The following C2CD3 variants were observed in gnomAD, a reference collection of about 807,000 sequenced individuals.
C2CD3 encodes C2 domain-containing protein 3.
Under a neutral mutation model 234.0 loss-of-function variants are expected in C2CD3, and 148 were observed. That is an observed-to-expected ratio of 0.63 (90% confidence interval 0.55 to 0.72). C2CD3 has a LOEUF of 0.72. C2CD3 is among the 30% of genes least tolerant of loss of function. The pLI, the probability that C2CD3 is intolerant of heterozygous loss-of-function variation, is 0.00. For synonymous variants in C2CD3, 1,000 were observed against 1,035.4 expected, an observed-to-expected ratio of 0.97 and a Z score of 0.66; for missense variants, 2,577 against 2,811.5, an observed-to-expected ratio of 0.92 and a Z score of 1.89.
intron 3 of C2CD3, among the ~76,000 whole-genome samples, chr11:74,150,884 C>A (rs1855599407): frequency 6.6e-6 from 1 of 151,920 alleles, no homozygotes; most frequent in Non-Finnish European, 1.5e-5. Flanking sequence ...GAATCAGGAT[C>A]CAAACGAGTT....
intron 29 of C2CD3, among the ~76,000 whole-genome samples, chr11:74,040,939 C>T (rs997435516): frequency 6.6e-6 from 1 of 150,410 alleles, no homozygotes; most frequent in Admixed American, 6.6e-5. Flanking sequence ...CACACACACA[C>T]CCCTTTTAAA....
rs1281552158 is a variant in C2CD3, at chr11:74,034,017, T to C, written c.6143A>G (p.Gln2048Arg). 1.3e-6 allele frequency: 2 copies of C among 1,536,428 alleles called. No individual in the cohort carries two copies. Among genetic ancestry groups the C allele is most frequent in the East Asian group, 4.9e-5 (2 of 40,938 alleles). ...GCCTGCCTCAGTGTCTTCACTGCTC[T>C]GCATCCTTGTAATGGGTACTGCATG... ...LRHAVPITRM[Q>R]SSEDTEAGPA... is the part of the protein sequence containing the mutation. The change falls in exon 31 of 33, where the codon CAG becomes CGG. Residue 2048 changes from glutamine (Q) to arginine (R), a missense_variant. Transcript: ENST00000334126.
intron 3 of C2CD3, among the ~76,000 whole-genome samples, chr11:74,155,425 C>A (rs1328311571): frequency 6.6e-6 from 1 of 152,126 alleles, no homozygotes; most frequent in Non-Finnish European, 1.5e-5. Flanking sequence ...GAACGGAAAG[C>A]ATATGTTCAC....
intron 8 of C2CD3, among the ~76,000 whole-genome samples, chr11:74,122,386 T>C (rs1474308340): frequency 6.6e-6 from 1 of 152,214 alleles, no homozygotes; most frequent in Admixed American, 6.5e-5. Context: ...TTTCAGTATC[T>C]TTTTTTGACC....
At chr11:74,045,237 G>T (rs1953303576) in intron 28 of C2CD3, among the ~76,000 whole-genome samples, 1 of 152,054 alleles carries the variant, frequency 6.6e-6, no homozygotes, top group African/African-American at 2.4e-5. Flanking sequence ...AGACACATGG[G>T]TTTATTTTGA....
At chr11:74,146,658 C>T (rs932934370) in intron 3 of C2CD3, among the ~76,000 whole-genome samples, 2 of 150,966 alleles carry the variant, frequency 1.3e-5, no homozygotes, top group African/African-American at 4.9e-5. Flanking sequence ...GACAGATAAC[C>T]ATAAAGCTAT....
chr11:74,065,237 T>A (rs1278531688), intron 24 of C2CD3, among the ~76,000 whole-genome samples: 1 of 151,792 alleles, frequency 6.6e-6, no homozygotes, highest in Non-Finnish European at 1.5e-5. Context: ...AACAACCCCA[T>A]CAAAAAGTGG....
chr11:74,144,695 C>G (rs183161385), intron 3 of C2CD3, among the ~76,000 whole-genome samples: 3 of 152,244 alleles, frequency 2.0e-5, no homozygotes, highest in African/African-American at 7.2e-5. Context: ...TAAGTGAGAA[C>G]GTGTGGTGCT....
At position 74,098,274 on chromosome 11, in the gene C2CD3, T is replaced by A. The variant is rs2135490559; in HGVS notation, c.2733-19A>T. The A allele has an allele frequency of 1.2e-6, 2 of 1,609,240 alleles. No homozygotes were observed. The highest frequency in any genetic ancestry group is 8.5e-7 in the Non-Finnish European group (1 of 1,176,638). On this transcript the variant is annotated intron_variant, in intron 15 of 32. Coordinates refer to ENST00000334126, the MANE Select transcript of C2CD3 (RefSeq NM_001286577.2). ...AGCATCTCTAGAGGGGGAGAAATTG[T>A]GAATAAGCAAATAACAAGCATCAAT...
At chr11:74,039,395 C>T (rs1346427352) in intron 29 of C2CD3, among the ~76,000 whole-genome samples, 1 of 152,122 alleles carries the variant, frequency 6.6e-6, no homozygotes, top group Non-Finnish European at 1.5e-5. Flanking sequence ...TTGTTTCGCG[C>T]CCATTTGGTA....
At chr11:74,054,461 A>G in intron 26 of C2CD3, 146 bp downstream of exon 26, 1 of 534,872 alleles carries the variant, frequency 1.9e-6, no homozygotes, top group Middle Eastern at 3.6e-4. Context: ...ACCCTCTACC[A>G]CATATCTGCA....
chr11:74,046,417 C>T (rs1953376161), intron 28 of C2CD3, among the ~76,000 whole-genome samples: 1 of 152,182 alleles, frequency 6.6e-6, no homozygotes, highest in Non-Finnish European at 1.5e-5. Flanking sequence ...GATCATAGCT[C>T]ACTGCACCCT....
chr11:74,018,623 C>A (rs1206439605), intron 32 of C2CD3, among the ~76,000 whole-genome samples: 1 of 152,212 alleles, frequency 6.6e-6, no homozygotes, highest in African/African-American at 2.4e-5. Context: ...TCAACTTTCA[C>A]CCCTTTGGCT....
At chr11:74,091,970 G>C (rs17132684) in intron 19 of C2CD3, among the ~76,000 whole-genome samples, 2,677 of 151,978 alleles carry the variant, frequency 0.018, 82 homozygotes, top group African/African-American at 0.062. Context: ...TCAAAATGTG[G>C]AGAATCACTA....
At chr11:74,105,374 G>C (rs1956479190) in intron 13 of C2CD3, among the ~76,000 whole-genome samples, 1 of 151,996 alleles carries the variant, frequency 6.6e-6, no homozygotes, top group African/African-American at 2.4e-5. Flanking sequence ...GGGTTCAAAC[G>C]ATTTTTGTGT....
chr11:74,117,128 GAATATATATATA>G (rs1957030209), intron 9 of C2CD3, among the ~76,000 whole-genome samples: 2 of 23,858 alleles, frequency 8.4e-5, no homozygotes, highest in African/African-American at 5.3e-4. Context: ...ATATATATAT[GAATATATATATA>G]TGAATATATA....
At position 74,124,253 on chromosome 11, in the gene C2CD3, C is replaced by T. The variant is rs183802040; in HGVS notation, c.1218-1118G>A. On this transcript the variant is annotated intron_variant, in intron 7 of 32. Coordinates refer to ENST00000334126, the MANE Select transcript of C2CD3 (RefSeq NM_001286577.2). Reference sequence around the variant, plus strand: ...TCTTTCCATGTTGCTTCCTTTCAAGCTAGCTGCTATACTTTTTTCCTTAAT... The same window carrying T: ...TCTTTCCATGTTGCTTCCTTTCAAGTTAGCTGCTATACTTTTTTCCTTAAT... Among the ~76,000 whole-genome samples the T allele has an allele frequency of 2.0e-4, 31 of 152,234 alleles. No homozygotes were observed. The East Asian group carries it at 5.8e-3, about 28-fold the overall frequency.
In C2CD3 at chr11:74,114,520, G is replaced by A. The variant is rs545526569; in HGVS notation, c.1594C>T (p.Leu532=). Residue 532 remains leucine, a synonymous_variant, in exon 10 of 33, where the codon CTG becomes TTG. Transcript: ENST00000334126. ...AQTMTLSVDR[L]ALLGRTHSVR... Reference sequence around the variant, plus strand: ...GAATGTGTTCTACCCAAAAGGGCCAGTCTATCCACACTTAGTGTCATCGTT... The same window carrying A: ...GAATGTGTTCTACCCAAAAGGGCCAATCTATCCACACTTAGTGTCATCGTT... 1.2e-6 allele frequency: 2 copies of A among 1,613,770 alleles called. No homozygotes were observed. The highest frequency in any genetic ancestry group is 1.7e-6 in the Non-Finnish European group (2 of 1,179,696).
intron 29 of C2CD3, among the ~76,000 whole-genome samples, chr11:74,039,036 C>A (rs1454259670): frequency 6.6e-6 from 1 of 152,124 alleles, no homozygotes; most frequent in Non-Finnish European, 1.5e-5. Flanking sequence ...GATCCTTATT[C>A]TATCACTAGA....
Sources: allele counts gnomAD v4.1 joint callset (sites outside exome capture counted in the v4.1 genomes callset), GRCh38; gene constraint gnomAD v4.1.1; transcripts MANE v1.5; gene names NCBI Gene and HGNC (gene_info 2026-07-23, HGNC 2026-07-21).